AP1S3: variants seen among roughly 807,000 people sequenced by gnomAD.
AP1S3 encodes the protein AP-1 complex subunit sigma-3.
In AP1S3, 10 loss-of-function variants were observed where a neutral mutation model predicts 20.9. The ratio of observed to expected loss-of-function variants is 0.48; its 90% CI spans 0.29 to 0.81. AP1S3 has a LOEUF of 0.81. Among genes scored for constraint, AP1S3 ranks in the 30% least tolerant of loss-of-function variants. AP1S3 has a pLI of 0.08. For missense variants in AP1S3, 154 were observed against 183.8 expected, an observed-to-expected ratio of 0.84 and a Z score of 0.94; for synonymous variants, 41 against 61.5, an observed-to-expected ratio of 0.67 and a Z score of 1.56.
intron 2 of AP1S3, 38 bp downstream of exon 2, chr2:223,777,653 A>C (rs1690818584): frequency 6.3e-7 from 1 of 1,582,724 alleles, no homozygotes; most frequent in Non-Finnish European, 8.6e-7. Context: ...AAACCAAAGT[A>C]AGACTGAGAA....
chr2:223,780,825 G>A (rs1412487243), intron 1 of AP1S3, among the ~76,000 whole-genome samples: 2 of 151,568 alleles, frequency 1.3e-5, no homozygotes, highest in African/African-American at 4.9e-5. Flanking sequence ...AGGAGTATAT[G>A]TGTGCTTTTC....
intron 4 of AP1S3, among the ~76,000 whole-genome samples, chr2:223,762,234 C>T (rs577075495): frequency 2.9e-4 from 43 of 147,046 alleles, no homozygotes; most frequent in African/African-American, 1.1e-3. Context: ...GCCCAAAGTG[C>T]TGGGATTATA....
At chr2:223,809,810 C>A (rs2106117442) in intron 1 of AP1S3, among the ~76,000 whole-genome samples, 1 of 151,032 alleles carries the variant, frequency 6.6e-6, no homozygotes, top group Non-Finnish European at 1.5e-5. Flanking sequence ...TTCACTGTAA[C>A]CTCTGCCTCC....
intron 1 of AP1S3, among the ~76,000 whole-genome samples, chr2:223,803,325 G>T (rs926673616): frequency 6.6e-6 from 1 of 152,164 alleles, no homozygotes; most frequent in Non-Finnish European, 1.5e-5. Context: ...TGAGTCAAGA[G>T]GAGCTAAAAT....
rs190762911 is a variant in AP1S3, at chr2:223,825,028, G to C, written c.3+12420C>G. Among the ~76,000 whole-genome samples the C allele has an allele frequency of 7.1e-3, 1,076 of 152,072 alleles. 13 individuals carry two copies. Among genetic ancestry groups the C allele is most frequent in the African/African-American group, 0.025 (1,041 of 41,498 alleles). ...AGTGTCAATAAGAAAACAGTTCCTC[G>C]GCCGGGCTCGGTGGCTCACGCCTGT... On this transcript the variant is annotated intron_variant, in intron 1 of 4. Transcript: ENST00000396654.
chr2:223,777,011 T>C (rs1345456750), intron 2 of AP1S3, among the ~76,000 whole-genome samples: 2 of 152,224 alleles, frequency 1.3e-5, no homozygotes, highest in African/African-American at 2.4e-5. Context: ...TAAGTGAAAA[T>C]ATTGTATTTG....
chr2:223,828,973 T>C (rs1463173170), intron 1 of AP1S3, among the ~76,000 whole-genome samples: 1 of 152,132 alleles, frequency 6.6e-6, no homozygotes, highest in Non-Finnish European at 1.5e-5. Flanking sequence ...CTAGCTGGGA[T>C]TACAGGCGCC....
chr2:223,822,676 C>A (rs1258518406), intron 1 of AP1S3, among the ~76,000 whole-genome samples: 1 of 151,946 alleles, frequency 6.6e-6, no homozygotes, highest in Non-Finnish European at 1.5e-5. Flanking sequence ...AAGAGCAAAA[C>A]TCCATCTCAA....
intron 1 of AP1S3, among the ~76,000 whole-genome samples, chr2:223,814,122 AT>A (rs1574722007): frequency 6.6e-6 from 1 of 152,172 alleles, no homozygotes; most frequent in South Asian, 2.1e-4. Context: ...CACTACCTTC[AT>A]TTTTTAACAT....
Position 223,807,867 on chromosome 2 carries a change from C to CTTTTTTTTTTTT in AP1S3, c.3+29569_3+29580dup, listed in dbSNP as rs138805104. ...TTACCTAGTCTCAGGCATTTCTTTT[C>CTTTTTTTTTTTT]TTTTTTTTTTTTTTTTTTTTTTTTT... On this transcript the variant is annotated intron_variant, in intron 1 of 4. Coordinates refer to ENST00000396654, the MANE Select transcript of AP1S3 (RefSeq NM_001039569.2). Among the ~76,000 whole-genome samples, 185 of 43,232 alleles carry CTTTTTTTTTTTT rather than the reference C, an allele frequency of 4.3e-3. 32 individuals carry two copies. Among genetic ancestry groups the CTTTTTTTTTTTT allele is most frequent in the East Asian group, 0.015 (18 of 1,182 alleles). The allele number at this position is 43,232 out of a possible 152,430, so 28.4% of individuals were successfully genotyped here. A position where few individuals can be genotyped will look rare whatever the true frequency, so the allele number is the denominator to read the frequency against.
In AP1S3 at chr2:223,832,081, A is replaced by G. The variant is rs551491730; in HGVS notation, c.3+5367T>C. Among the ~76,000 whole-genome samples the G allele has an allele frequency of 3.7e-3, 470 of 127,750 alleles. 8 individuals carry two copies. Among genetic ancestry groups the G allele is most frequent in the Middle Eastern group, 8.3e-3 (2 of 242 alleles). The allele number at this position is 127,750 out of a possible 152,430, so 83.8% of individuals were successfully genotyped here. ...GACAGAGTAAGACTCCGTCTCAAAA[A>G]AAAAAAAATCAAAAAAAGGACTTAT... On this transcript the variant is annotated intron_variant, in intron 1 of 4. Transcript: ENST00000396654.
intron 1 of AP1S3, among the ~76,000 whole-genome samples, chr2:223,782,921 T>C (rs1690984134): frequency 6.6e-6 from 1 of 152,116 alleles, no homozygotes; most frequent in Non-Finnish European, 1.5e-5. Context: ...GTTCATCACC[T>C]CCAGCAATTA....
At chr2:223,790,836 A>G (rs1241203363) in intron 1 of AP1S3, among the ~76,000 whole-genome samples, 2 of 152,182 alleles carry the variant, frequency 1.3e-5, no homozygotes, top group Non-Finnish European at 2.9e-5. Context: ...GATAAGAGGG[A>G]TATCATCACT....
chr2:223,770,532 C>CACACACA (rs60585278), intron 3 of AP1S3, among the ~76,000 whole-genome samples: 7,698 of 89,630 alleles, frequency 0.086, 358 homozygotes, highest in African/African-American at 0.14. Flanking sequence ...ACACACACAC[C>CACACACA]CCTTGATATA....
At chr2:223,833,592 T>A (rs6729651) in intron 1 of AP1S3, among the ~76,000 whole-genome samples, 2 of 152,036 alleles carry the variant, frequency 1.3e-5, no homozygotes, top group African/African-American at 4.8e-5. Context: ...GATCTGCCAG[T>A]AAGCATCTAC....
At chr2:223,761,346 G>A (rs575771776) in intron 4 of AP1S3, among the ~76,000 whole-genome samples, 1 of 152,322 alleles carries the variant, frequency 6.6e-6, no homozygotes, top group East Asian at 1.9e-4. Flanking sequence ...GGGTGACAGT[G>A]TTAGGGTGCA....
chr2:223,811,163 G>A (rs1691715512), intron 1 of AP1S3, among the ~76,000 whole-genome samples: 1 of 151,458 alleles, frequency 6.6e-6, no homozygotes, highest in Non-Finnish European at 1.5e-5. Context: ...CATTATCTTG[G>A]CTCACTGCAA....
intron 3 of AP1S3, among the ~76,000 whole-genome samples, chr2:223,774,698 T>C (rs149955258): frequency 1.2e-3 from 189 of 152,186 alleles, no homozygotes; most frequent in Non-Finnish European, 2.0e-3. Flanking sequence ...AGGAAATGAA[T>C]GTCAGCCCAA....
At chr2:223,816,672 C>A (rs924758211) in intron 1 of AP1S3, among the ~76,000 whole-genome samples, 1 of 152,204 alleles carries the variant, frequency 6.6e-6, no homozygotes. Context: ...ATCCTCCCTG[C>A]AATCAAATGC....
Sources: allele counts gnomAD v4.1 joint callset (sites outside exome capture counted in the v4.1 genomes callset), GRCh38; gene constraint gnomAD v4.1.1; transcripts MANE v1.5; gene names NCBI Gene and HGNC (gene_info 2026-07-23, HGNC 2026-07-21).